The following ESRRG variants were observed in gnomAD, a reference collection of about 807,000 sequenced individuals.
ESRRG encodes the protein estrogen related receptor gamma.
A neutral mutation model predicts 44.0 loss-of-function variants in ESRRG; 13 were observed. The ratio of observed to expected loss-of-function variants is 0.30; its 90% confidence interval spans 0.19 to 0.47. The LOEUF (loss-of-function observed/expected upper bound fraction) is 0.47. ESRRG is among the 20% of genes least tolerant of loss of function. ESRRG has a pLI of 1.00. For synonymous variants in ESRRG, 215 were observed against 214.6 expected (o/e 1.00, Z -0.02); for missense variants, 395 against 580.6 (o/e 0.68, Z 3.29).
At chr1:217,036,746 T>C (rs2082964977) in intron 1 of ESRRG, among the ~76,000 whole-genome samples, 2 of 151,716 alleles carry the variant, frequency 1.3e-5, no homozygotes, top group Non-Finnish European at 2.9e-5. Flanking sequence ...TGAAACAATT[T>C]GTACAACAAA....
At chr1:216,878,869 C>T (rs1014389277) in intron 2 of ESRRG, among the ~76,000 whole-genome samples, 40 of 152,142 alleles carry the variant, frequency 2.6e-4, no homozygotes, top group Admixed American at 1.2e-3. Context: ...GATCTTTATT[C>T]TTCCACATAA....
intron 1 of ESRRG, among the ~76,000 whole-genome samples, chr1:217,010,830 T>C (rs2078463430): frequency 6.6e-6 from 1 of 152,198 alleles, no homozygotes. Context: ...TAGCTGTGTG[T>C]AGACCAGGAA....
intron 6 of ESRRG, among the ~76,000 whole-genome samples, chr1:216,516,178 T>C (rs1214761240): frequency 1.3e-5 from 2 of 152,120 alleles, no homozygotes; most frequent in Non-Finnish European, 2.9e-5. Flanking sequence ...AATAAGAGAA[T>C]ACATAGCTTA....
intron 1 of ESRRG, among the ~76,000 whole-genome samples, chr1:217,023,927 C>A: frequency 6.6e-6 from 1 of 152,184 alleles, no homozygotes; most frequent in East Asian, 1.9e-4. Flanking sequence ...ATCCTTTAAA[C>A]AGAGATGGTA....
At chr1:216,798,850 G>A (rs1052558165) in intron 2 of ESRRG, among the ~76,000 whole-genome samples, 7 of 152,054 alleles carry the variant, frequency 4.6e-5, no homozygotes, top group Non-Finnish European at 7.4e-5. Context: ...GGAGTAATGG[G>A]TTAATATATG....
chr1:216,610,828 A>T (rs2060548951), intron 3 of ESRRG, among the ~76,000 whole-genome samples: 1 of 152,176 alleles, frequency 6.6e-6, no homozygotes, highest in South Asian at 2.1e-4. Context: ...AACCTGTGAG[A>T]AAAAAGGAAA....
At chr1:216,824,100 C>A (rs2148654172) in intron 2 of ESRRG, among the ~76,000 whole-genome samples, 1 of 152,278 alleles carries the variant, frequency 6.6e-6, no homozygotes, top group East Asian at 1.9e-4. Flanking sequence ...TTTCCTAGGG[C>A]CGCATTAGGG....
At chr1:217,069,628 C>A (rs1444226465) in intron 1 of ESRRG, among the ~76,000 whole-genome samples, 1 of 152,070 alleles carries the variant, frequency 6.6e-6, no homozygotes, top group Non-Finnish European at 1.5e-5. Flanking sequence ...GGCCTCTCCT[C>A]TTTTTCTGGT....
intron 3 of ESRRG, among the ~76,000 whole-genome samples, chr1:216,623,685 C>CGTTA (rs1293579072): frequency 1.3e-5 from 2 of 152,058 alleles, no homozygotes; most frequent in African/African-American, 4.8e-5. Flanking sequence ...CCCAATGTCA[C>CGTTA]GTTAAATACC....
At chr1:216,973,586 G>T (rs947030138) in intron 1 of ESRRG, among the ~76,000 whole-genome samples, 1 of 152,132 alleles carries the variant, frequency 6.6e-6, no homozygotes, top group African/African-American at 2.4e-5. Flanking sequence ...CAGCACTTTG[G>T]GAGGCCGAGG....
chr1:217,064,582 C>T (rs1284581316), intron 1 of ESRRG, among the ~76,000 whole-genome samples: 1 of 152,128 alleles, frequency 6.6e-6, no homozygotes, highest in Non-Finnish European at 1.5e-5. Context: ...CTTTTCAGGC[C>T]TTCCCTCCAC....
intron 2 of ESRRG, among the ~76,000 whole-genome samples, chr1:216,759,985 G>T (rs531556679): frequency 1.3e-5 from 2 of 152,110 alleles, no homozygotes; most frequent in East Asian, 3.9e-4. Flanking sequence ...CTTCTTCAGG[G>T]GTATGCCCCC....
chr1:216,981,491 G>T (rs568976674), intron 1 of ESRRG, among the ~76,000 whole-genome samples: 2 of 152,142 alleles, frequency 1.3e-5, no homozygotes, highest in East Asian at 3.9e-4. Context: ...AGCAATTCGT[G>T]TAAATAACTC....
At chr1:216,780,418 G>C (rs566339652) in intron 2 of ESRRG, among the ~76,000 whole-genome samples, 77 of 152,068 alleles carry the variant, frequency 5.1e-4, no homozygotes, top group African/African-American at 1.8e-3. Context: ...TTTAAGTTGA[G>C]TTATTGATAG....
intron 2 of ESRRG, among the ~76,000 whole-genome samples, chr1:216,809,796 A>G (rs2094912583): frequency 6.6e-6 from 1 of 152,128 alleles, no homozygotes; most frequent in Non-Finnish European, 1.5e-5. Flanking sequence ...AAGGACCAGG[A>G]TGTGGCACAG....
chr1:216,568,511 C>T (rs2060092442), intron 3 of ESRRG, among the ~76,000 whole-genome samples: 1 of 152,150 alleles, frequency 6.6e-6, no homozygotes, highest in African/African-American at 2.4e-5. Context: ...TATCCAACTT[C>T]CCTCCAGTCT....
chr1:217,064,473 C>T (rs1197370751), intron 1 of ESRRG, among the ~76,000 whole-genome samples: 1 of 152,082 alleles, frequency 6.6e-6, no homozygotes, highest in African/African-American at 2.4e-5. Flanking sequence ...AAGCCATGTG[C>T]AGAACCCAGA....
intron 3 of ESRRG, among the ~76,000 whole-genome samples, chr1:216,588,445 T>C (rs1302115727): frequency 6.6e-6 from 1 of 152,162 alleles, no homozygotes; most frequent in African/African-American, 2.4e-5. Context: ...AAAATAGAAA[T>C]AAATAACTAT....
At chr1:216,685,036 A>G (rs2077669687) in intron 1 of ESRRG, among the ~76,000 whole-genome samples, 2 of 152,190 alleles carry the variant, frequency 1.3e-5, no homozygotes, top group Admixed American at 6.5e-5. Context: ...TTTGTCTCCA[A>G]TCCCTGAAAA....
Sources: gnomAD v4.1 joint callset for allele counts (sites outside exome capture counted in the v4.1 genomes callset) on GRCh38, gnomAD v4.1.1 for gene constraint, MANE v1.5 for transcripts, NCBI Gene and HGNC (gene_info 2026-07-23, HGNC 2026-07-21) for gene names.